SPATA13: variants seen among roughly 807,000 people sequenced by gnomAD.
SPATA13 encodes spermatogenesis associated 13.
In SPATA13, 50 loss-of-function variants were observed where a neutral mutation model predicts 104.0. The ratio of observed to expected loss-of-function variants is 0.48; its 90% CI spans 0.38 to 0.61. The LOEUF (loss-of-function observed/expected upper bound fraction) is 0.61. Ranked by LOEUF, SPATA13 falls within the 20% of genes least tolerant of loss-of-function variation. The pLI, the probability that SPATA13 is intolerant of heterozygous loss-of-function variation, is 0.00. For synonymous variants in SPATA13, 606 were observed against 667.5 expected (o/e 0.91, Z 1.42); for missense variants, 1,524 against 1,690.6 (o/e 0.90, Z 1.73).
At chr13:24,185,685 A>G (rs1869097731) in intron 1 of SPATA13, among the ~76,000 whole-genome samples, 2 of 151,724 alleles carry the variant, frequency 1.3e-5, no homozygotes, top group Non-Finnish European at 1.5e-5. Context: ...AGGTTTCTCA[A>G]TTCCTGGATT....
chr13:23,989,421 C>T (rs1490676492), intron 2 of SPATA13, among the ~76,000 whole-genome samples: 1 of 119,828 alleles, frequency 8.3e-6, no homozygotes, highest in Non-Finnish European at 1.8e-5. Flanking sequence ...GATTTCATCT[C>T]AAAAAAAAAA....
chr13:24,103,949 T>C (rs1880353118), intron 3 of SPATA13, among the ~76,000 whole-genome samples: 1 of 152,186 alleles, frequency 6.6e-6, no homozygotes, highest in Non-Finnish European at 1.5e-5. Flanking sequence ...TTCTCTGTGA[T>C]TAGCTGATTA....
At chr13:24,084,561 C>T (rs1879658627) in intron 3 of SPATA13, among the ~76,000 whole-genome samples, 1 of 152,030 alleles carries the variant, frequency 6.6e-6, no homozygotes, top group African/African-American at 2.4e-5. Flanking sequence ...AGCAACACTA[C>T]ACAGTTCTTC....
chr13:24,160,484 T>C (rs1882421586), upstream of SPATA13, among the ~76,000 whole-genome samples: 1 of 152,124 alleles, frequency 6.6e-6, no homozygotes, highest in African/African-American at 2.4e-5. Flanking sequence ...CCTCAGGTGA[T>C]CCGCCCACCT....
At chr13:24,039,046 G>T (rs1027512199) in intron 3 of SPATA13, among the ~76,000 whole-genome samples, 10 of 152,144 alleles carry the variant, frequency 6.6e-5, no homozygotes, top group African/African-American at 2.2e-4. Context: ...GATTAAAAAA[G>T]TTATTGTTTA....
intron 3 of SPATA13, among the ~76,000 whole-genome samples, chr13:24,110,838 A>C (rs1880615432): frequency 1.3e-5 from 2 of 152,198 alleles, no homozygotes; most frequent in African/African-American, 4.8e-5. Flanking sequence ...GTTAAGAATA[A>C]ACACCAAGGT....
intron 3 of SPATA13, among the ~76,000 whole-genome samples, chr13:24,106,051 C>A (rs952253414): frequency 2.6e-5 from 4 of 152,144 alleles, no homozygotes; most frequent in African/African-American, 9.7e-5. Context: ...AAGAAGATTT[C>A]TTTTATTTTC....
intron 1 of SPATA13, among the ~76,000 whole-genome samples, chr13:24,171,835 A>G (rs1882982637): frequency 6.6e-6 from 1 of 152,246 alleles, no homozygotes; most frequent in Admixed American, 6.5e-5. Context: ...AAGAGGCAGA[A>G]CTGGTTGGCC....
chr13:23,990,347 G>A (rs1020501949), intron 2 of SPATA13, among the ~76,000 whole-genome samples: 4 of 152,140 alleles, frequency 2.6e-5, no homozygotes, highest in African/African-American at 9.7e-5. Flanking sequence ...TTATTAGCAT[G>A]GCCTCTGGAC....
rs1376691381 is a variant in SPATA13 at position 24,223,395 on chromosome 13, G to C, written c.466G>C (p.Ala156Pro). ...KSIPNGAVPG[A>P]QASRGSPLAP... is the part of the protein sequence containing the mutation. ...CATCCCAAATGGCGCTGTCCCAGGA[G>C]CCCAGGCAAGCAGGGGCTCCCCCTT... The change falls in exon 2 of 13, where the codon GCC becomes CCC. Residue 156 changes from alanine (A) to proline (P), a missense_variant. Transcript: ENST00000382108. 6.4e-7 allele frequency: 1 copy of C among 1,551,308 alleles called. No individual in the cohort carries two copies. Among genetic ancestry groups the C allele is most frequent in the Admixed American group, 2.0e-5 (1 of 51,016 alleles).
rs1019393851 is a variant in SPATA13 at position 24,297,707 on chromosome 13, G to A, written c.3555G>A (p.Arg1185=). The A allele has an allele frequency of 2.5e-6, 4 of 1,613,122 alleles. No individual in the cohort carries two copies. The highest frequency in any genetic ancestry group is 3.4e-6 in the Non-Finnish European group (4 of 1,179,308). The part of the protein sequence containing the change: ...ARWLQACADE[R]RRVQEDKEMG... ...GGCTGCAGGCCTGTGCAGATGAAAG[G>A]AGGCGGGTGCAAGAGGACAAGGAGA... The change falls in exon 11 of 13, where the codon AGG becomes AGA. Residue 1185 remains arginine (R), a synonymous_variant. Coordinates refer to ENST00000382108, the MANE Select transcript of SPATA13 (RefSeq NM_001166271.3).
intron 2 of SPATA13, among the ~76,000 whole-genome samples, chr13:24,235,392 T>C (rs1872519501): frequency 6.6e-6 from 1 of 152,206 alleles, no homozygotes; most frequent in Non-Finnish European, 1.5e-5. Flanking sequence ...AATAGAGTGA[T>C]TGAAGCCAGG....
At chr13:24,183,665 C>T (rs1220575) in intron 1 of SPATA13, among the ~76,000 whole-genome samples, 1 of 151,208 alleles carries the variant, frequency 6.6e-6, no homozygotes, top group Non-Finnish European at 1.5e-5. Context: ...TATGCGTGGC[C>T]CAAGACAATT....
At chr13:24,246,628 A>G (rs1407855407) in intron 2 of SPATA13, among the ~76,000 whole-genome samples, 2 of 152,094 alleles carry the variant, frequency 1.3e-5, no homozygotes, top group Non-Finnish European at 2.9e-5. Flanking sequence ...GGGAAGCTGC[A>G]GTGGGTGGAT....
intron 2 of SPATA13, chr13:24,224,939 T>C (rs372555610): frequency 1.1e-5 from 4 of 360,224 alleles, no homozygotes; most frequent in Non-Finnish European, 2.1e-5. Context: ...ATATCTTTCT[T>C]CTTTGTATTT....
At chr13:24,041,351 A>T (rs7326287) in intron 3 of SPATA13, among the ~76,000 whole-genome samples, 1 of 152,100 alleles carries the variant, frequency 6.6e-6, no homozygotes, top group Non-Finnish European at 1.5e-5. Context: ...TTTCAAGCTC[A>T]TTTTCCCTAT....
At chr13:24,108,664 G>GGC (rs1566105991) in intron 3 of SPATA13, among the ~76,000 whole-genome samples, 1 of 145,442 alleles carries the variant, frequency 6.9e-6, no homozygotes, top group African/African-American at 2.5e-5. Context: ...CATGGTAGGG[G>GGC]GGGGGAAGCC....
intron 1 of SPATA13, among the ~76,000 whole-genome samples, chr13:24,193,352 T>G (rs1869878162): frequency 6.6e-6 from 1 of 152,034 alleles, no homozygotes; most frequent in African/African-American, 2.4e-5. Flanking sequence ...TTGGAGGAAC[T>G]GGGAGAACGG....
chr13:24,219,114 T>G (rs1871429834), intron 1 of SPATA13, among the ~76,000 whole-genome samples: 1 of 152,272 alleles, frequency 6.6e-6, no homozygotes, highest in East Asian at 1.9e-4. Context: ...AGTTCTGTTC[T>G]CTTCCTATCT....
Sources: allele counts gnomAD v4.1 joint callset (sites outside exome capture counted in the v4.1 genomes callset), GRCh38; gene constraint gnomAD v4.1.1; transcripts MANE v1.5; gene names NCBI Gene and HGNC (gene_info 2026-07-23, HGNC 2026-07-21).